Variants in KYNU observed in about 807,000 individuals in gnomAD.
KYNU encodes kynureninase.
KYNU carries 54 observed loss-of-function variants against 59.2 expected under a neutral mutation model. That is an observed-to-expected ratio of 0.91 (90% CI 0.73 to 1.14). The LOEUF (loss-of-function observed/expected upper bound fraction) is 1.14. Among genes scored for constraint, KYNU ranks in the 50% most tolerant of loss-of-function variants. KYNU has a pLI of 0.00. For missense variants in KYNU, 567 were observed against 554.4 expected (o/e 1.02, Z -0.23); for synonymous variants, 177 against 192.0 (o/e 0.92, Z 0.65).
chr2:142,991,413 G>A (rs1685395664), intron 10 of KYNU, among the ~76,000 whole-genome samples: 1 of 151,876 alleles, frequency 6.6e-6, no homozygotes, highest in African/African-American at 2.4e-5. Context: ...TTTCAAATGA[G>A]ATAGACCAGT....
chr2:142,908,795 T>A (rs1325181884), intron 2 of KYNU, among the ~76,000 whole-genome samples: 1 of 152,108 alleles, frequency 6.6e-6, no homozygotes, highest in Non-Finnish European at 1.5e-5. Context: ...CCACCACGCC[T>A]GGCTAATTTT....
chr2:142,915,035 T>C lies in KYNU; in HGVS notation c.170-3574T>C, dbSNP rs148093672. Among the ~76,000 whole-genome samples the C allele has an allele frequency of 6.7e-3, 1,028 of 152,352 alleles. 5 individuals carry two copies. Among genetic ancestry groups the C allele is most frequent in the Middle Eastern group, 0.017 (5 of 294 alleles). On this transcript the variant is annotated intron_variant, in intron 2 of 13. Coordinates refer to ENST00000264170, the MANE Select transcript of KYNU (RefSeq NM_003937.3). ...TCCCAAGGACGCCTTTTCATCTCTA[T>C]CTGCCTAAAATAATTTCTTAATAAC...
At chr2:143,010,065 G>A (rs75771856) in intron 10 of KYNU, among the ~76,000 whole-genome samples, 22,204 of 125,208 alleles carry the variant, frequency 0.18, 3,526 homozygotes, top group African/African-American at 0.41. Context: ...GGCCAGGGCA[G>A]TTAGGCAAGA....
chr2:143,012,100 A>G (rs1236635278), intron 10 of KYNU, among the ~76,000 whole-genome samples: 1 of 151,938 alleles, frequency 6.6e-6, no homozygotes, highest in Non-Finnish European at 1.5e-5. Flanking sequence ...GGTTGTCCCC[A>G]AAGCGGAGGG....
intron 8 of KYNU, among the ~76,000 whole-genome samples, chr2:142,968,393 G>A (rs1339170946): frequency 6.6e-6 from 1 of 152,106 alleles, no homozygotes; most frequent in African/African-American, 2.4e-5. Context: ...AGAAAAGGGA[G>A]GACAAGTCTA....
At chr2:143,025,643 C>T (rs1331238567) in intron 10 of KYNU, among the ~76,000 whole-genome samples, 1 of 151,444 alleles carries the variant, frequency 6.6e-6, no homozygotes, top group East Asian at 1.9e-4. Flanking sequence ...TTTTTTTAAA[C>T]TGGAACTTCA....
In KYNU at chr2:142,885,450, G is replaced by C. The variant is rs766375772; in HGVS notation, c.83G>C (p.Arg28Thr). The stretch of plus-strand genomic sequence containing the variant: ...CTCAAATGCCACCCAACGGATGAGA[G>C]GGTGGCTCTCCACCTAGATGAGGAA... ...AELKCHPTDE[R>T]VALHLDEEDK... The change falls in exon 2 of 14, where the codon AGG (arginine) becomes ACG (threonine). Residue 28 changes from arginine (R) to threonine (T), a missense_variant. Coordinates refer to ENST00000264170, the MANE Select transcript of KYNU (RefSeq NM_003937.3). The C allele has an allele frequency of 6.2e-7, 1 of 1,614,084 alleles. No homozygotes were observed. Among genetic ancestry groups the C allele is most frequent in the East Asian group, 2.2e-5 (1 of 44,860 alleles).
chr2:142,972,048 G>A (rs1684742280), intron 8 of KYNU, among the ~76,000 whole-genome samples: 1 of 152,114 alleles, frequency 6.6e-6, no homozygotes, highest in African/African-American at 2.4e-5. Context: ...TACATTTTGT[G>A]TGAGGTCCTT....
intron 8 of KYNU, among the ~76,000 whole-genome samples, chr2:142,970,754 A>G (rs1684695175): frequency 6.6e-6 from 1 of 152,186 alleles, no homozygotes. Context: ...TAGAATGCAA[A>G]TAACTTCAGC....
intron 11 of KYNU, 116 bp from the exon 12 acceptor site, chr2:143,033,120 A>C (rs1446539080): frequency 1.3e-6 from 1 of 794,580 alleles, no homozygotes; most frequent in African/African-American, 1.7e-5. Context: ...TATCTCAGAA[A>C]TCCTACTTAG....
chr2:142,950,055 C>G (rs150604899), intron 4 of KYNU, among the ~76,000 whole-genome samples: 44 of 152,322 alleles, frequency 2.9e-4, no homozygotes, highest in Non-Finnish European at 4.4e-4. Context: ...TTTGCTAAAA[C>G]ATAACAAGAG....
chr2:142,988,823 T>C (rs746248666), intron 10 of KYNU: 1 of 1,551,968 alleles, frequency 6.4e-7, no homozygotes, highest in South Asian at 1.1e-5. Context: ...AAGTATCTTA[T>C]ATTGTACTTC....
intron 1 of KYNU, among the ~76,000 whole-genome samples, chr2:142,882,380 G>A (rs890661999): frequency 9.9e-5 from 15 of 151,550 alleles, no homozygotes; most frequent in African/African-American, 3.4e-4. Flanking sequence ...TGCACAACGT[G>A]TAGGTTTGTT....
intron 4 of KYNU, among the ~76,000 whole-genome samples, chr2:142,951,741 G>T (rs998920085): frequency 1.3e-5 from 2 of 152,202 alleles, no homozygotes; most frequent in African/African-American, 4.8e-5. Context: ...TTGGACAAAG[G>T]TCAGTAGCAG....
chr2:142,975,572 A>G (rs1684859327), intron 8 of KYNU, among the ~76,000 whole-genome samples: 1 of 152,168 alleles, frequency 6.6e-6, no homozygotes, highest in East Asian at 1.9e-4. Context: ...AGATGCTACC[A>G]TGGGTCTGGA....
intron 8 of KYNU, among the ~76,000 whole-genome samples, chr2:142,966,871 G>T (rs895705223): frequency 2.0e-5 from 3 of 151,922 alleles, no homozygotes; most frequent in Admixed American, 6.6e-5. Context: ...GACTATCCAG[G>T]CTTGTTGGAA....
At chr2:142,958,491 C>G (rs1226902109) in intron 7 of KYNU, among the ~76,000 whole-genome samples, 1 of 152,184 alleles carries the variant, frequency 6.6e-6, no homozygotes, top group Non-Finnish European at 1.5e-5. Flanking sequence ...GACCGCTAGT[C>G]ATTGTTTGGA....
rs777696185 is a variant in KYNU, at chr2:143,045,820, A to G, written c.*3648A>G. The G allele has an allele frequency of 6.6e-6, 1 of 152,142 alleles. No individual in the cohort carries two copies. Among genetic ancestry groups the G allele is most frequent in the Non-Finnish European group, 1.5e-5 (1 of 68,024 alleles). The allele number at this position is 152,142 out of a possible 1,614,324, so 9.4% of individuals were successfully genotyped here. The stretch of plus-strand genomic sequence containing the variant: ...TGACCAGGAATTGTTTTTCAACTTC[A>G]TAGTGGTAAACAAAACATATGTGTT... On this transcript the variant is annotated 3_prime_UTR_variant, in exon 14 of 14. Transcript: ENST00000264170.
In KYNU at chr2:143,049,144, C is replaced by T. The variant is rs778764893; in HGVS notation, c.*6972C>T. On this transcript the variant is annotated 3_prime_UTR_variant, in exon 14 of 14. Transcript: ENST00000264170. ...TAAAAGGGTATATGTTAGAATTTTTCACTCTCTCCTTTATGCCTTTAACTT... is the reference window on the plus strand; with the variant it reads ...TAAAAGGGTATATGTTAGAATTTTTTACTCTCTCCTTTATGCCTTTAACTT... The T allele has an allele frequency of 4.6e-5, 7 of 152,052 alleles. No individual in the cohort carries two copies. Among genetic ancestry groups the T allele is most frequent in the Non-Finnish European group, 7.4e-5 (5 of 68,024 alleles). 9.4% of individuals were successfully genotyped at this position (152,052 alleles called of 1,614,324 possible). A position where few individuals can be genotyped will look rare whatever the true frequency, so the allele number is the denominator to read the frequency against.
Sources: gnomAD v4.1 joint callset for allele counts (sites outside exome capture counted in the v4.1 genomes callset) on GRCh38, gnomAD v4.1.1 for gene constraint, MANE v1.5 for transcripts, NCBI Gene and HGNC (gene_info 2026-07-23, HGNC 2026-07-21) for gene names.